Variants in CEP152 observed in about 807,000 individuals in gnomAD.
The protein encoded by CEP152 is centrosomal protein 152, also known as centrosomal protein of 152 kDa.
A neutral mutation model predicts 188.9 loss-of-function variants in CEP152; 132 were observed. The observed-to-expected ratio is 0.70, with a 90% CI of 0.61 to 0.81. The LOEUF (loss-of-function observed/expected upper bound fraction) is 0.81, where lower values mean the gene tolerates loss of function less well. Ranked by LOEUF, CEP152 falls within the 30% of genes least tolerant of loss-of-function variation. CEP152 has a pLI of 0.00. For missense variants in CEP152, 1,914 were observed against 1,969.8 expected, an observed-to-expected ratio of 0.97 and a Z score of 0.54; for synonymous variants, 649 against 666.6, an observed-to-expected ratio of 0.97 and a Z score of 0.41.
chr15:48,760,385 C>A, intron 18 of CEP152, 119 bp from the exon 19 acceptor site: 1 of 1,231,568 alleles, frequency 8.1e-7, no homozygotes. Flanking sequence ...ATAATAAAGT[C>A]AAACTGACTG....
intron 10 of CEP152, 148 bp downstream of exon 10, chr15:48,783,825 A>T (rs1384421677): frequency 1.5e-5 from 6 of 399,326 alleles, no homozygotes; most frequent in Non-Finnish European, 2.6e-5. Context: ...TATATATATA[A>T]AAATATATAT....
chr15:48,783,129 G>T (rs958018149), intron 10 of CEP152: 3 of 152,164 alleles, frequency 2.0e-5, no homozygotes, highest in Non-Finnish European at 2.9e-5. Flanking sequence ...CTGTTGACCT[G>T]TTTTCACAAT....
At chr15:48,784,923 GAACA>G (rs1373828783) in intron 9 of CEP152, among the ~76,000 whole-genome samples, 1 of 152,124 alleles carries the variant, frequency 6.6e-6, no homozygotes, top group African/African-American at 2.4e-5. Flanking sequence ...AGTCCAGGTA[GAACA>G]AACACACTGT....
At chr15:48,739,592 A>G (rs1052083531) in intron 26 of CEP152, among the ~76,000 whole-genome samples, 1 of 152,198 alleles carries the variant, frequency 6.6e-6, no homozygotes, top group African/African-American at 2.4e-5. Flanking sequence ...ATGTTATAGC[A>G]ATTTCAAGAT....
In CEP152 at chr15:48,788,795, C is replaced by T. The variant is rs748270927; in HGVS notation, c.1173+6G>A. ...ATAACAGTTGCTCATTTGAAATCAT[C>T]CCAACCTGTTCTTTAAGTGCGGTGA... On this transcript the variant is annotated splice_donor_region_variant and intron_variant, in intron 9 of 26. Coordinates refer to ENST00000380950, the MANE Select transcript of CEP152 (RefSeq NM_001194998.2). 43 of 1,613,254 alleles carry T rather than the reference C, an allele frequency of 2.7e-5. No homozygotes were observed. The highest frequency in any genetic ancestry group is 3.3e-5 in the Non-Finnish European group (39 of 1,179,312).
intron 9 of CEP152, 116 bp from the exon 10 acceptor site, chr15:48,784,236 G>T: frequency 1.0e-6 from 1 of 987,980 alleles, no homozygotes; most frequent in Non-Finnish European, 1.5e-6. Context: ...TCACATGGGA[G>T]CATCACCTCT....
chr15:48,778,160 T>A (rs547855573), intron 12 of CEP152, among the ~76,000 whole-genome samples: 2 of 152,242 alleles, frequency 1.3e-5, no homozygotes, highest in Admixed American at 1.3e-4. Flanking sequence ...ATTCCATGAA[T>A]GTAAAATAGA....
intron 2 of CEP152, chr15:48,729,837 T>A (rs1363264391): frequency 6.6e-6 from 1 of 151,948 alleles, no homozygotes; most frequent in African/African-American, 2.4e-5. Flanking sequence ...TATATAGGTG[T>A]TTATTTTCTA....
Position 48,748,623 on chromosome 15 carries a change from A to C in CEP152, c.3467-13T>G. The C allele has an allele frequency of 6.8e-7, 1 of 1,468,068 alleles. No homozygotes were observed. The highest frequency in any genetic ancestry group is 9.0e-7 in the Non-Finnish European group (1 of 1,117,142). The allele number at this position is 1,468,068 out of a possible 1,614,324, so 90.9% of individuals were successfully genotyped here. A position where few individuals can be genotyped will look rare whatever the true frequency, so the allele number is the denominator to read the frequency against. ...ACCTTTTTCTTATCTGCAAAAATTA[A>C]ATGACAGAAAACTTTTATATCAGTT... On this transcript the variant is annotated splice_polypyrimidine_tract_variant and intron_variant, in intron 21 of 26. Transcript: ENST00000380950.
chr15:48,781,328 G>A lies in CEP152; in HGVS notation c.1445C>T (p.Ser482Phe). The A allele has an allele frequency of 6.2e-7, 1 of 1,610,480 alleles. No individual in the cohort carries two copies. Among genetic ancestry groups the A allele is most frequent in the Non-Finnish European group, 8.5e-7 (1 of 1,177,200 alleles). The change falls in exon 12 of 27, where the codon TCT becomes TTT. Residue 482 changes from serine to phenylalanine, a missense_variant. Physicochemically the swap from Ser to Phe is radical, Grantham distance 155 (BLOSUM62 -2). Transcript: ENST00000380950. ...EELTELKDEI[S>F]LYESAAKLGI... ...TAGTTTTGCAGCAGATTCATAGAGA[G>A]AAATTTCATCTTTTAGTTCTGTTAA...
chr15:48,797,276 C>G, intron 5 of CEP152, 25 bp downstream of exon 5: 1 of 1,613,166 alleles, frequency 6.2e-7, no homozygotes, highest in Non-Finnish European at 8.5e-7. Context: ...CACACAAGTT[C>G]TTGAAAGTCA....
intron 17 of CEP152, among the ~76,000 whole-genome samples, chr15:48,766,569 A>G (rs939926912): frequency 2.0e-5 from 3 of 152,188 alleles, no homozygotes; most frequent in African/African-American, 4.8e-5. Context: ...CATATCCTCC[A>G]TATCATCACT....
Position 48,738,408 on chromosome 15 carries a change from G to A in CEP152, c.4974C>T (p.His1658=). 1.2e-6 allele frequency: 2 copies of A among 1,614,170 alleles called. No homozygotes were observed. The highest frequency in any genetic ancestry group is 1.1e-5 in the South Asian group (1 of 91,084). Residue 1658 remains histidine, a synonymous_variant, in exon 27 of 27, where the codon CAC becomes CAT. Transcript: ENST00000380950. ...ATCTATCAGCCTTATGACGAGATGG[G>A]TGTCCACAATTCACACTGATCTTTC... is the stretch of plus-strand genomic sequence containing the variant. ...EPGKISVNCG[H]PSRHKADRLK... is the part of the protein sequence containing the mutation.
At chr15:48,780,501 AACT>A (rs1896174648) in intron 12 of CEP152, among the ~76,000 whole-genome samples, 1 of 152,166 alleles carries the variant, frequency 6.6e-6, no homozygotes, top group African/African-American at 2.4e-5. Context: ...ACTCTCTGGA[AACT>A]ACAATTCAAC....
chr15:48,772,253 A>C (rs1052815341), intron 13 of CEP152, among the ~76,000 whole-genome samples: 1 of 152,134 alleles, frequency 6.6e-6, no homozygotes, highest in African/African-American at 2.4e-5. Flanking sequence ...TCTACAAAAA[A>C]TTTAAAAATT....
intron 10 of CEP152, among the ~76,000 whole-genome samples, chr15:48,782,930 G>A (rs1356414365): frequency 1.3e-5 from 2 of 152,174 alleles, no homozygotes; most frequent in African/African-American, 2.4e-5. Flanking sequence ...ACTAAACAGG[G>A]AGGGGCCCTT....
intron 2 of CEP152, among the ~76,000 whole-genome samples, chr15:48,803,188 C>A (rs1897781942): frequency 1.3e-5 from 2 of 152,210 alleles, no homozygotes; most frequent in African/African-American, 4.8e-5. Flanking sequence ...ACAGTTATAA[C>A]CTAGCCACAA....
intron 7 of CEP152, among the ~76,000 whole-genome samples, chr15:48,791,588 GC>G (rs1896992248): frequency 6.6e-6 from 1 of 151,948 alleles, no homozygotes; most frequent in Non-Finnish European, 1.5e-5. Flanking sequence ...TCACTCCGTC[GC>G]CCAGGCTGGA....
chr15:48,734,960 C>T (rs1227738970), downstream of CEP152, among the ~76,000 whole-genome samples: 1 of 152,116 alleles, frequency 6.6e-6, no homozygotes, highest in African/African-American at 2.4e-5. Flanking sequence ...ACCAGTTGAA[C>T]AAATAGGAAT....
Sources: gnomAD v4.1 joint callset for allele counts (sites outside exome capture counted in the v4.1 genomes callset) on GRCh38, gnomAD v4.1.1 for gene constraint, MANE v1.5 for transcripts, NCBI Gene and HGNC (gene_info 2026-07-23, HGNC 2026-07-21) for gene names.